The following ADAM17 variants were observed in gnomAD, a reference collection of about 807,000 sequenced individuals.
ADAM17 encodes the protein ADAM metallopeptidase domain 17.
ADAM17 carries 39 observed loss-of-function variants against 96.7 expected under a neutral mutation model. The observed-to-expected ratio is 0.40, with a 90% CI of 0.31 to 0.53. The LOEUF (loss-of-function observed/expected upper bound fraction) is 0.53, where lower values mean the gene tolerates loss of function less well. Among genes scored for constraint, ADAM17 ranks in the 20% least tolerant of loss-of-function variants. The pLI, the probability that ADAM17 is intolerant of heterozygous loss-of-function variation, is 0.44. For synonymous variants in ADAM17, 344 were observed against 359.2 expected (o/e 0.96, Z 0.48); for missense variants, 777 against 1,013.2 (o/e 0.77, Z 3.17).
intron 1 of ADAM17, among the ~76,000 whole-genome samples, chr2:9,550,716 A>C (rs1276958317): frequency 1.3e-5 from 2 of 150,928 alleles, no homozygotes; most frequent in Non-Finnish European, 2.9e-5. Flanking sequence ...AAGTGCTGGG[A>C]CTATAGGTGT....
intron 1 of ADAM17, among the ~76,000 whole-genome samples, chr2:9,549,573 G>C (rs1453606724): frequency 6.6e-6 from 1 of 152,164 alleles, no homozygotes; most frequent in African/African-American, 2.4e-5. Context: ...CTGTTGCTCA[G>C]GCTAGAGTGC....
chr2:9,555,389 A>C, intron 1 of ADAM17, 120 bp downstream of exon 1: 1 of 796,912 alleles, frequency 1.3e-6, no homozygotes, highest in Non-Finnish European at 1.9e-6. Context: ...CTGAAAACTT[A>C]GGGACGCGCC....
chr2:9,535,849 G>A lies in ADAM17; in HGVS notation c.435C>T (p.Ala145=), dbSNP rs143124556. 12 of 1,595,174 alleles carry A rather than the reference G, an allele frequency of 7.5e-6. No individual in the cohort carries two copies. Among genetic ancestry groups the A allele is most frequent in the African/African-American group, 6.7e-5 (5 of 74,122 alleles). ...ATAAATTTACCTCTATGTTATATTC[G>A]GCCCCATCTGTGTTGATTCTGATTA... ...DVIIRINTDG[A]EYNIEPLWRF... Residue 145 remains alanine, a synonymous_variant, in exon 4 of 19, where the codon GCC becomes GCT. Transcript: ENST00000310823.
At chr2:9,494,317 A>T (rs575185987) in intron 15 of ADAM17, among the ~76,000 whole-genome samples, 1 of 152,320 alleles carries the variant, frequency 6.6e-6, no homozygotes, top group East Asian at 1.9e-4. Flanking sequence ...ATAATTTTGC[A>T]ATCTTAGTCA....
intron 2 of ADAM17, among the ~76,000 whole-genome samples, chr2:9,539,291 T>C (rs1284420290): frequency 6.6e-6 from 1 of 152,010 alleles, no homozygotes; most frequent in Non-Finnish European, 1.5e-5. Flanking sequence ...GTATTTTTAG[T>C]AGAGACGGGG....
intron 10 of ADAM17, among the ~76,000 whole-genome samples, chr2:9,514,383 AG>A (rs1220865135): frequency 4.4e-5 from 6 of 137,222 alleles, no homozygotes; most frequent in African/African-American, 1.6e-4. Context: ...GGAAGGGGGA[AG>A]GGATAGCATT....
At chr2:9,531,742 T>C (rs1052013361) in intron 4 of ADAM17, among the ~76,000 whole-genome samples, 2 of 152,072 alleles carry the variant, frequency 1.3e-5, no homozygotes, top group Non-Finnish European at 2.9e-5. Context: ...TATCTCACTA[T>C]GCAAGTTTAA....
In ADAM17 at chr2:9,502,601, G is replaced by A. The variant is rs11892983; in HGVS notation, c.1545-325C>T. 0.063 allele frequency among the ~76,000 whole-genome samples: 9,646 copies of A among 152,144 alleles called. 1,087 individuals carry two copies. The highest frequency in any genetic ancestry group is 0.22 in the African/African-American group (9,083 of 41,444). On this transcript the variant is annotated intron_variant, in intron 12 of 18. Coordinates refer to ENST00000310823, the MANE Select transcript of ADAM17 (RefSeq NM_003183.6). ...AAAAAGACAAGATGGGCTGGGCGAG[G>A]TGGCTCACACCTATAATCCCAACCC...
chr2:9,543,224 A>G lies in ADAM17; in HGVS notation c.159T>C (p.His53=). 3.1e-6 allele frequency: 5 copies of G among 1,609,534 alleles called. No homozygotes were observed. Among genetic ancestry groups the G allele is most frequent in the Non-Finnish European group, 4.2e-6 (5 of 1,177,696 alleles). The change falls in exon 2 of 19, where the codon CAT becomes CAC. Residue 53 remains histidine (H), a synonymous_variant. Transcript: ENST00000310823. ...DILSLSNIQQ[H]SVRKRDLQTS... Reference sequence around the variant, plus strand: ...TCTGTAGATCTCTTTTTCTTACCGAATGCTGCTGGATATTAGATAAAGAGA... The same window carrying G: ...TCTGTAGATCTCTTTTTCTTACCGAGTGCTGCTGGATATTAGATAAAGAGA...
Position 9,531,146 on chromosome 2 carries a change from C to T in ADAM17, c.451-3192G>A, listed in dbSNP as rs372034457. On this transcript the variant is annotated intron_variant, in intron 4 of 18. Coordinates refer to ENST00000310823, the MANE Select transcript of ADAM17 (RefSeq NM_003183.6). ...CTAATTTTTGTATTTTTAGTAGAGA[C>T]GAGGTTTCACCATGTTGGCCAGGCT... is the stretch of plus-strand genomic sequence containing the variant. 1.8e-4 allele frequency among the ~76,000 whole-genome samples: 27 copies of T among 152,094 alleles called. 1 individual carries two copies. The South Asian group carries it at 4.4e-3, about 25-fold the overall frequency.
intron 4 of ADAM17, among the ~76,000 whole-genome samples, chr2:9,530,696 G>C (rs1411701159): frequency 6.6e-6 from 1 of 152,066 alleles, no homozygotes; most frequent in African/African-American, 2.4e-5. Flanking sequence ...TAATATTGTA[G>C]AATTCTTGTC....
At chr2:9,545,794 A>G (rs1665383496) in intron 1 of ADAM17, among the ~76,000 whole-genome samples, 1 of 152,100 alleles carries the variant, frequency 6.6e-6, no homozygotes, top group African/African-American at 2.4e-5. Flanking sequence ...CGTTCACAAA[A>G]GGTTTTTAAG....
At chr2:9,501,251 TAAAAAAA>T (rs536264722) in intron 13 of ADAM17, among the ~76,000 whole-genome samples, 1 of 148,996 alleles carries the variant, frequency 6.7e-6, no homozygotes, top group African/African-American at 2.5e-5. Context: ...CAAGGGCTGT[TAAAAAAA>T]AAAGTAAGAA....
chr2:9,493,629 G>A (rs771102022), intron 16 of ADAM17, 118 bp downstream of exon 16: 41 of 806,294 alleles, frequency 5.1e-5, no homozygotes, highest in Non-Finnish European at 7.7e-5. Context: ...AACTAAAGCT[G>A]TGAATAGTTC....
At position 9,490,957 on chromosome 2, in the gene ADAM17, G is replaced by A. The variant is rs1212901050; in HGVS notation, c.2133+144C>T. 4.4e-6 allele frequency: 3 copies of A among 686,078 alleles called. No individual in the cohort carries two copies. In the Admixed American group the frequency reaches 8.8e-5, roughly 20 times the overall value. The allele number at this position is 686,078 out of a possible 1,614,324, so 42.5% of individuals were successfully genotyped here. ...GTTCACCATCACTGTTGTCAGAAGG[G>A]TAAACATTCCAACCTAGACCCTTCC... On this transcript the variant is annotated intron_variant, in intron 18 of 18. Transcript: ENST00000310823.
chr2:9,546,888 T>C (rs1665421182), intron 1 of ADAM17, among the ~76,000 whole-genome samples: 1 of 152,144 alleles, frequency 6.6e-6, no homozygotes, highest in Non-Finnish European at 1.5e-5. Flanking sequence ...TTTGTATTTT[T>C]AGTAGAGAAG....
chr2:9,537,702 A>T (rs1041874710), intron 2 of ADAM17, among the ~76,000 whole-genome samples: 1 of 151,884 alleles, frequency 6.6e-6, no homozygotes, highest in African/African-American at 2.4e-5. Flanking sequence ...CCTGGTTGAC[A>T]GCGCGAGACT....
rs1665172641 is a variant in ADAM17 at position 9,540,683 on chromosome 2, A to G, written c.230+2470T>C. 2.6e-5 allele frequency among the ~76,000 whole-genome samples: 4 copies of G among 152,234 alleles called. No homozygotes were observed. In the South Asian group the frequency reaches 8.3e-4, roughly 32 times the overall value. On this transcript the variant is annotated intron_variant, in intron 2 of 18. Coordinates refer to ENST00000310823, the MANE Select transcript of ADAM17 (RefSeq NM_003183.6). Reference sequence around the variant, plus strand: ...ATGACAATGAACCAATCTCCTTAATATACTAAGCACTGCTACAATTCAGTA... The same window carrying G: ...ATGACAATGAACCAATCTCCTTAATGTACTAAGCACTGCTACAATTCAGTA...
intron 15 of ADAM17, among the ~76,000 whole-genome samples, chr2:9,494,156 G>A (rs187838877): frequency 6.6e-6 from 1 of 152,254 alleles, no homozygotes; most frequent in African/African-American, 2.4e-5. Context: ...GACTCCCTGT[G>A]AAGCCTCGTA....
Sources: gnomAD v4.1 joint callset for allele counts (sites outside exome capture counted in the v4.1 genomes callset) on GRCh38, gnomAD v4.1.1 for gene constraint, MANE v1.5 for transcripts, NCBI Gene and HGNC (gene_info 2026-07-23, HGNC 2026-07-21) for gene names.